Variants in RALYL observed in about 807,000 individuals in gnomAD.
RALYL encodes the protein RALY RNA binding protein like.
In RALYL, 29 loss-of-function variants were observed where a neutral mutation model predicts 35.1. The ratio of observed to expected loss-of-function variants is 0.83; its 90% CI spans 0.61 to 1.13. The LOEUF (loss-of-function observed/expected upper bound fraction) is 1.13. Ranked by LOEUF, RALYL falls within the 50% of genes most tolerant of loss-of-function variation. The pLI, the probability that RALYL is intolerant of heterozygous loss-of-function variation, is 0.00. For synonymous variants in RALYL, 120 were observed against 127.6 expected (o/e 0.94, Z 0.40); for missense variants, 359 against 360.4 (o/e 1.00, Z 0.03).
intron 1 of RALYL, among the ~76,000 whole-genome samples, chr8:84,281,179 G>A (rs1836473828): frequency 1.3e-5 from 2 of 152,078 alleles, no homozygotes; most frequent in African/African-American, 4.8e-5. Context: ...AATTTGTGGT[G>A]GGACATCTAA....
intron 1 of RALYL, among the ~76,000 whole-genome samples, chr8:84,282,153 G>A (rs755859985): frequency 5.3e-5 from 8 of 151,720 alleles, no homozygotes; most frequent in Non-Finnish European, 1.2e-4. Flanking sequence ...TTTCTGTCCT[G>A]GGAATTTTCT....
chr8:84,403,533 T>TG (rs1214234363), intron 1 of RALYL, among the ~76,000 whole-genome samples: 6 of 131,666 alleles, frequency 4.6e-5, no homozygotes, highest in African/African-American at 1.6e-4. Flanking sequence ...TGTTTTTTTT[T>TG]TTTTTTTTTT....
intron 1 of RALYL, among the ~76,000 whole-genome samples, chr8:84,407,865 T>C (rs1294291762): frequency 6.6e-6 from 1 of 152,036 alleles, no homozygotes; most frequent in Non-Finnish European, 1.5e-5. Flanking sequence ...ACCCTATTAA[T>C]TAAGGAACAC....
intron 1 of RALYL, among the ~76,000 whole-genome samples, chr8:84,373,336 G>T (rs555829815): frequency 3.9e-5 from 6 of 151,950 alleles, no homozygotes; most frequent in Admixed American, 1.3e-4. Context: ...ATCATTGAGG[G>T]TTTTTATAGT....
At chr8:84,430,312 A>G (rs2047005911) in intron 1 of RALYL, among the ~76,000 whole-genome samples, 1 of 152,142 alleles carries the variant, frequency 6.6e-6, no homozygotes, top group African/African-American at 2.4e-5. Flanking sequence ...GCAGTAATTT[A>G]TTTTAAACAT....
chr8:84,243,677 T>C lies in RALYL; in HGVS notation c.-24+59253T>C, dbSNP rs1163644377. Among the ~76,000 whole-genome samples, 3 of 152,114 alleles carry C rather than the reference T, an allele frequency of 2.0e-5. No homozygotes were observed. In the East Asian group the frequency reaches 5.8e-4, roughly 29 times the overall value. On this transcript the variant is annotated intron_variant, in intron 1 of 8. Transcript: ENST00000521268. ...ATTACTCACTTTCCCACCCTCCATA[T>C]GCATTTATTCATGTTTTAATTTGCA...
intron 3 of RALYL, among the ~76,000 whole-genome samples, chr8:84,799,903 C>T (rs1822843827): frequency 1.3e-5 from 2 of 152,140 alleles, no homozygotes. Flanking sequence ...TTGCAGTGAG[C>T]CGAGATCACG....
chr8:84,691,264 T>A (rs1837992483), intron 2 of RALYL, among the ~76,000 whole-genome samples: 1 of 151,990 alleles, frequency 6.6e-6, no homozygotes, highest in South Asian at 2.1e-4. Context: ...CAAAGGGACT[T>A]TGGTTTCTGT....
chr8:84,884,725 A>G (rs576752513), intron 7 of RALYL, among the ~76,000 whole-genome samples: 2 of 152,094 alleles, frequency 1.3e-5, no homozygotes, highest in Non-Finnish European at 2.9e-5. Context: ...AAACACAATG[A>G]CCTGACATTG....
chr8:84,191,702 A>T (rs1813919948), intron 1 of RALYL, among the ~76,000 whole-genome samples: 1 of 152,238 alleles, frequency 6.6e-6, no homozygotes, highest in South Asian at 2.1e-4. Context: ...AAGAGTGAAT[A>T]TAACAAATTG....
chr8:84,253,623 C>T (rs557961414), intron 1 of RALYL, among the ~76,000 whole-genome samples: 2 of 152,196 alleles, frequency 1.3e-5, no homozygotes, highest in South Asian at 2.1e-4. Flanking sequence ...GGTGCTGTTA[C>T]AGTTCTTGTA....
rs76885544 is a variant in RALYL at position 84,372,886 on chromosome 8, G to GTTTTTTTTTTTTTTTTTTT, written c.-23-156402_-23-156384dup. Among the ~76,000 whole-genome samples the GTTTTTTTTTTTTTTTTTTT allele has an allele frequency of 1.1e-3, 42 of 39,074 alleles. 1 individual carries two copies. The highest frequency in any genetic ancestry group is 2.0e-3 in the African/African-American group (18 of 9,124). 25.6% of individuals were successfully genotyped at this position (39,074 alleles called of 152,430 possible). On this transcript the variant is annotated intron_variant, in intron 1 of 8. Coordinates refer to ENST00000521268, the MANE Select transcript of RALYL (RefSeq NM_173848.7). ...TTTCTCCACAACCATGCCAGCATCT[G>GTTTTTTTTTTTTTTTTTTT]TTTTTTTTTTTTTTTTTTTTTTTTT... is the stretch of plus-strand genomic sequence containing the variant.
At chr8:84,758,281 C>T (rs1266317823) in intron 2 of RALYL, among the ~76,000 whole-genome samples, 2 of 152,086 alleles carry the variant, frequency 1.3e-5, no homozygotes, top group Non-Finnish European at 2.9e-5. Context: ...AGGAGTAATA[C>T]CTGATTAGTA....
intron 1 of RALYL, among the ~76,000 whole-genome samples, chr8:84,322,023 CA>C (rs1211168245): frequency 7.2e-5 from 11 of 151,954 alleles, no homozygotes; most frequent in Non-Finnish European, 1.3e-4. Flanking sequence ...AAATATGTGA[CA>C]AAAAACCTGA....
chr8:84,612,496 T>C (rs774842970), intron 2 of RALYL, among the ~76,000 whole-genome samples: 1 of 152,022 alleles, frequency 6.6e-6, no homozygotes, highest in Non-Finnish European at 1.5e-5. Context: ...ATGAATCTTA[T>C]AAAGCTTGAG....
rs377744622 is a variant in RALYL, at chr8:84,265,086, C to G, written c.-24+80662C>G. Among the ~76,000 whole-genome samples, 7 of 152,306 alleles carry G rather than the reference C, an allele frequency of 4.6e-5. 1 individual carries two copies. The highest frequency in any genetic ancestry group is 1.9e-4 in the East Asian group (1 of 5,178). On this transcript the variant is annotated intron_variant, in intron 1 of 8. Coordinates refer to ENST00000521268, the MANE Select transcript of RALYL (RefSeq NM_173848.7). ...ATGTGCTTGTAAAGCCTGCCCTAAT[C>G]TGCCTCTTTTCTTTTTCTAGAGAAA...
chr8:84,696,859 A>G (rs1393824216), intron 2 of RALYL, among the ~76,000 whole-genome samples: 1 of 152,044 alleles, frequency 6.6e-6, no homozygotes, highest in Non-Finnish European at 1.5e-5. Flanking sequence ...AAACACATAT[A>G]AGAGGTCAAA....
rs1849259159 is a variant in RALYL at position 84,921,046 on chromosome 8, C to A, written c.*135C>A. 2 of 456,308 alleles carry A rather than the reference C, an allele frequency of 4.4e-6. No homozygotes were observed. The highest frequency in any genetic ancestry group is 7.2e-5 in the East Asian group (2 of 27,750). The allele number at this position is 456,308 out of a possible 1,614,324, so 28.3% of individuals were successfully genotyped here. ...TAAAAACCCAAATAAATAAAATGGACAGTATTGCTCAGTTTTAGAAATTCC... is the reference window on the plus strand; with the variant it reads ...TAAAAACCCAAATAAATAAAATGGAAAGTATTGCTCAGTTTTAGAAATTCC... On this transcript the variant is annotated 3_prime_UTR_variant, in exon 9 of 9. Coordinates refer to ENST00000521268, the MANE Select transcript of RALYL (RefSeq NM_173848.7).
At chr8:84,402,566 A>G (rs763104420) in intron 1 of RALYL, among the ~76,000 whole-genome samples, 75 of 152,238 alleles carry the variant, frequency 4.9e-4, no homozygotes, top group African/African-American at 1.2e-3. Context: ...TTCAAACTCA[A>G]TGAAGGAATC....
Sources: gnomAD v4.1 joint callset for allele counts (sites outside exome capture counted in the v4.1 genomes callset) on GRCh38, gnomAD v4.1.1 for gene constraint, MANE v1.5 for transcripts, NCBI Gene and HGNC (gene_info 2026-07-23, HGNC 2026-07-21) for gene names.